TTC28: variants seen among roughly 807,000 people sequenced by gnomAD.
TTC28 encodes tetratricopeptide repeat domain 28.
In TTC28, 61 loss-of-function variants were observed where a neutral mutation model predicts 198.0. The observed-to-expected ratio is 0.31, with a 90% CI of 0.25 to 0.38. The LOEUF (loss-of-function observed/expected upper bound fraction) is 0.38. Among genes scored for constraint, TTC28 ranks in the 10% least tolerant of loss-of-function variants. TTC28 has a pLI of 1.00. For missense variants in TTC28, 2,678 were observed against 3,164.0 expected (o/e 0.85, Z 3.69); for synonymous variants, 1,171 against 1,297.8 (o/e 0.90, Z 2.10).
intron 12 of TTC28, among the ~76,000 whole-genome samples, chr22:28,078,358 A>G: frequency 6.6e-6 from 1 of 152,154 alleles, no homozygotes; most frequent in East Asian, 1.9e-4. Flanking sequence ...GAGTCTGCTT[A>G]CGGCACAACT....
At chr22:28,455,924 C>T (rs559223939) in intron 2 of TTC28, among the ~76,000 whole-genome samples, 1 of 152,074 alleles carries the variant, frequency 6.6e-6, no homozygotes, top group South Asian at 2.1e-4. Flanking sequence ...CTTTGGGAGG[C>T]TGAGGTGGGG....
At chr22:28,108,971 T>C (rs1361957470) in intron 6 of TTC28, among the ~76,000 whole-genome samples, 2 of 152,182 alleles carry the variant, frequency 1.3e-5, no homozygotes, top group Non-Finnish European at 2.9e-5. Flanking sequence ...GATGAGATTG[T>C]CCTAAAATTG....
chr22:28,289,527 GAGCAACAGTAGA>G (rs1251291112), intron 5 of TTC28, among the ~76,000 whole-genome samples: 11 of 152,054 alleles, frequency 7.2e-5, no homozygotes, highest in African/African-American at 1.4e-4. Flanking sequence ...AAGCATCTGA[GAGCAACAGTAGA>G]AAAGACAACC....
intron 2 of TTC28, among the ~76,000 whole-genome samples, chr22:28,395,115 T>C (rs1329056038): frequency 1.3e-5 from 2 of 152,330 alleles, no homozygotes; most frequent in Admixed American, 1.3e-4. Flanking sequence ...TACATTGTAC[T>C]GTATGTCTAA....
At chr22:28,664,840 A>C (rs900238228) in intron 1 of TTC28, among the ~76,000 whole-genome samples, 1 of 13,276 alleles carries the variant, frequency 7.5e-5, no homozygotes, top group African/African-American at 4.4e-4. Flanking sequence ...CAAGACACAT[A>C]ATTGTCAGAT....
intron 2 of TTC28, among the ~76,000 whole-genome samples, chr22:28,363,336 C>A (rs150475395): frequency 7.2e-4 from 110 of 152,292 alleles, no homozygotes; most frequent in African/African-American, 2.4e-3. Context: ...GTTGAGCCTG[C>A]AGGTGCACAG....
At chr22:28,397,648 C>A (rs2046838574) in intron 2 of TTC28, among the ~76,000 whole-genome samples, 2 of 152,262 alleles carry the variant, frequency 1.3e-5, no homozygotes, top group Non-Finnish European at 2.9e-5. Context: ...TGTTTTGAGT[C>A]TTTTATTTCC....
At chr22:28,066,305 G>T (rs4524206) in intron 12 of TTC28, among the ~76,000 whole-genome samples, 55 of 118,396 alleles carry the variant, frequency 4.6e-4, no homozygotes, top group Admixed American at 9.3e-4. Flanking sequence ...TGTGTGTGTG[G>T]TGTGTGTGTG....
At chr22:28,656,695 T>C (rs1219839024) in intron 1 of TTC28, among the ~76,000 whole-genome samples, 2 of 152,204 alleles carry the variant, frequency 1.3e-5, no homozygotes, top group East Asian at 1.9e-4. Flanking sequence ...GTTAATCATC[T>C]CGTGCTACTC....
intron 2 of TTC28, among the ~76,000 whole-genome samples, chr22:28,308,335 C>T (rs115097826): frequency 1.9e-3 from 293 of 152,126 alleles, no homozygotes; most frequent in African/African-American, 6.6e-3. Context: ...TACATAAGTA[C>T]AGAAATGCTA....
rs144702835 is a variant in TTC28 at position 28,406,912 on chromosome 22, TACA to T, written c.382-100272_382-100270del. Among the ~76,000 whole-genome samples, 220 of 152,322 alleles carry T rather than the reference TACA, an allele frequency of 1.4e-3. 1 individual carries two copies. The East Asian group carries it at 0.038, about 27-fold the overall frequency. The stretch of plus-strand genomic sequence containing the variant: ...ATTTTGGAAAGGCTATTAACAAATT[TACA>T]AAAAACTTTACTGGACCAATTTTGG... On this transcript the variant is annotated intron_variant, in intron 2 of 22. Transcript: ENST00000397906.
At chr22:28,605,394 CCAAT>C (rs748192390) in intron 2 of TTC28, among the ~76,000 whole-genome samples, 19 of 152,246 alleles carry the variant, frequency 1.2e-4, no homozygotes, top group Admixed American at 4.6e-4. Flanking sequence ...AGAAAAGTTA[CCAAT>C]CAAACGGTGG....
At position 28,442,417 on chromosome 22, in the gene TTC28, C is replaced by T. The variant is rs569208971; in HGVS notation, c.382-135774G>A. Among the ~76,000 whole-genome samples, 4 of 152,248 alleles carry T rather than the reference C, an allele frequency of 2.6e-5. No homozygotes were observed. The East Asian group carries it at 7.7e-4, about 29-fold the overall frequency. ...CTGGTGTGCTGGGGCTGCTCGCCCC[C>T]CAGCGGGGCCCTGGGGAAACGGCTG... On this transcript the variant is annotated intron_variant, in intron 2 of 22. Transcript: ENST00000397906.
chr22:28,223,647 G>T (rs1928056140), intron 5 of TTC28, among the ~76,000 whole-genome samples: 1 of 152,190 alleles, frequency 6.6e-6, no homozygotes, highest in African/African-American at 2.4e-5. Flanking sequence ...TTCAGTAACA[G>T]AAGGTATTTT....
intron 2 of TTC28, among the ~76,000 whole-genome samples, chr22:28,508,721 A>T (rs2048645954): frequency 6.6e-6 from 1 of 152,246 alleles, no homozygotes. Context: ...ATCCAGATTC[A>T]TAAAGCAAGT....
chr22:28,441,073 A>C (rs1434704575), intron 2 of TTC28, among the ~76,000 whole-genome samples: 3 of 152,244 alleles, frequency 2.0e-5, no homozygotes, highest in Non-Finnish European at 2.9e-5. Context: ...TCACAGAGTG[A>C]GTAAATACTG....
rs576934873 is a variant in TTC28 at position 28,373,372 on chromosome 22, G to A, written c.382-66729C>T. Reference sequence around the variant, plus strand: ...TACAAGCATCCAGTGTTTTTTAAGAGATGACCAAATCAAGGGGAATATGCT... The same window carrying A: ...TACAAGCATCCAGTGTTTTTTAAGAAATGACCAAATCAAGGGGAATATGCT... On this transcript the variant is annotated intron_variant, in intron 2 of 22. Coordinates refer to ENST00000397906, the MANE Select transcript of TTC28 (RefSeq NM_001145418.2). 2.6e-5 allele frequency among the ~76,000 whole-genome samples: 4 copies of A among 152,142 alleles called. No homozygotes were observed. In the South Asian group the frequency reaches 8.3e-4, roughly 32 times the overall value.
chr22:28,427,631 C>A (rs2047369226), intron 2 of TTC28, among the ~76,000 whole-genome samples: 1 of 151,872 alleles, frequency 6.6e-6, no homozygotes, highest in South Asian at 2.1e-4. Flanking sequence ...CTAGCCTGGG[C>A]GACAAGAATG....
chr22:28,547,175 A>C (rs957162306), intron 2 of TTC28, among the ~76,000 whole-genome samples: 2 of 151,914 alleles, frequency 1.3e-5, no homozygotes, highest in Non-Finnish European at 2.9e-5. Flanking sequence ...CAATAAAGTG[A>C]TTTTTAAGAT....
Sources: gnomAD v4.1 joint callset for allele counts (sites outside exome capture counted in the v4.1 genomes callset) on GRCh38, gnomAD v4.1.1 for gene constraint, MANE v1.5 for transcripts, NCBI Gene and HGNC (gene_info 2026-07-23, HGNC 2026-07-21) for gene names.